The following ANXA4 variants were observed in gnomAD, a reference collection of about 807,000 sequenced individuals.
ANXA4 encodes the protein 35-beta calcimedin.
ANXA4 carries 39 observed loss-of-function variants against 49.8 expected under a neutral mutation model. The observed-to-expected ratio is 0.78, with a 90% CI of 0.61 to 1.02. ANXA4 has a LOEUF of 1.02. Among genes scored for constraint, ANXA4 ranks in the 50% least tolerant of loss-of-function variants. The probability of loss-of-function intolerance (pLI) is 0.00; values close to 1 mark genes in which losing one functional copy is unlikely to be tolerated. For synonymous variants in ANXA4, 134 were observed against 152.5 expected (o/e 0.88, Z 0.89); for missense variants, 360 against 410.1 (o/e 0.88, Z 1.05).
chr2:69,710,974 G>A (rs151223253), intron 2 of ANXA4, among the ~76,000 whole-genome samples: 16 of 152,284 alleles, frequency 1.1e-4, no homozygotes, highest in African/African-American at 3.9e-4. Flanking sequence ...CTACTCCTCA[G>A]AGAAGTGAAA....
chr2:69,770,116 G>GT (rs1671651141), intron 1 of ANXA4, among the ~76,000 whole-genome samples: 1 of 152,204 alleles, frequency 6.6e-6, no homozygotes, highest in African/African-American at 2.4e-5. Context: ...AGATGGCCTA[G>GT]TAGGCAGGCC....
At chr2:69,699,100 G>A (rs1423676809) in intron 2 of ANXA4, among the ~76,000 whole-genome samples, 3 of 152,150 alleles carry the variant, frequency 2.0e-5, no homozygotes, top group Non-Finnish European at 4.4e-5. Context: ...AGGATGTGAT[G>A]GTCTTTGCCA....
chr2:69,772,501 C>A (rs1671763482), intron 1 of ANXA4, among the ~76,000 whole-genome samples: 1 of 66,246 alleles, frequency 1.5e-5, no homozygotes, highest in Non-Finnish European at 2.5e-5. Context: ...CTAAGAGAGG[C>A]CTTAGCAATT....
chr2:69,685,409 C>T (rs755062971), intron 2 of ANXA4, among the ~76,000 whole-genome samples: 42 of 152,074 alleles, frequency 2.8e-4, no homozygotes, highest in Non-Finnish European at 5.7e-4. Flanking sequence ...TGAATTGTGG[C>T]ACACTGAATG....
At chr2:69,745,317 A>G (rs1276813972) in intron 1 of ANXA4, among the ~76,000 whole-genome samples, 2 of 152,112 alleles carry the variant, frequency 1.3e-5, no homozygotes, top group Non-Finnish European at 2.9e-5. Context: ...CTCTGTCACT[A>G]CAAGTTTAGG....
At chr2:69,808,052 G>A in intron 6 of ANXA4, 56 bp downstream of exon 6, 1 of 1,512,270 alleles carries the variant, frequency 6.6e-7, no homozygotes, top group Non-Finnish European at 9.2e-7. Context: ...AGAGAATGAG[G>A]GTAGCAGCGG....
intron 2 of ANXA4, among the ~76,000 whole-genome samples, chr2:69,715,700 A>G (rs1317601944): frequency 6.6e-6 from 1 of 152,246 alleles, no homozygotes; most frequent in Non-Finnish European, 1.5e-5. Context: ...TAAAGCCAGT[A>G]ACTGGCTCTA....
intron 2 of ANXA4, among the ~76,000 whole-genome samples, chr2:69,695,181 A>C (rs1678121376): frequency 6.6e-6 from 1 of 152,126 alleles, no homozygotes; most frequent in African/African-American, 2.4e-5. Context: ...AAATTCCAGG[A>C]ACATATTTAA....
chr2:69,773,617 CCTT>C (rs1671825724), intron 1 of ANXA4, among the ~76,000 whole-genome samples: 3 of 139,370 alleles, frequency 2.2e-5, no homozygotes, highest in Non-Finnish European at 4.6e-5. Context: ...TCTTTTCTTT[CCTT>C]CTTTTTTTTT....
intron 2 of ANXA4, among the ~76,000 whole-genome samples, chr2:69,676,813 A>C (rs1003552322): frequency 3.3e-5 from 5 of 152,150 alleles, no homozygotes; most frequent in Non-Finnish European, 4.4e-5. Flanking sequence ...GAATTGCTTG[A>C]ACCCGGGAGG....
intron 12 of ANXA4, among the ~76,000 whole-genome samples, chr2:69,823,335 A>G (rs1573325532): frequency 6.6e-6 from 1 of 151,620 alleles, no homozygotes; most frequent in East Asian, 1.9e-4. Flanking sequence ...AGTTGTCAAA[A>G]GAAATGAAAA....
intron 3 of ANXA4, among the ~76,000 whole-genome samples, chr2:69,721,718 G>C (rs1336432841): frequency 6.6e-6 from 1 of 152,020 alleles, no homozygotes; most frequent in Non-Finnish European, 1.5e-5. Flanking sequence ...AATTACTCTG[G>C]ATTGTTTAAA....
At chr2:69,812,735 T>C in intron 8 of ANXA4, 26 bp downstream of exon 8, 1 of 1,611,510 alleles carries the variant, frequency 6.2e-7, no homozygotes, top group South Asian at 1.1e-5. Flanking sequence ...GCTTCTTTCT[T>C]CCAGCTTTCT....
chr2:69,674,308 G>A (rs987510711), intron 2 of ANXA4: 1 of 152,054 alleles, frequency 6.6e-6, no homozygotes, highest in Non-Finnish European at 1.5e-5. Flanking sequence ...GGACAACCTG[G>A]GCTCTCCCAC....
In ANXA4 at chr2:69,772,328, A is replaced by C. The variant is rs140367525; in HGVS notation, c.-46-9192A>C. 7.2e-5 allele frequency among the ~76,000 whole-genome samples: 11 copies of C among 152,362 alleles called. No homozygotes were observed. In the East Asian group the frequency reaches 1.5e-3, roughly 21 times the overall value. ...GATTGTAGAAAGGGCTTCAGAGAGA[A>C]AGAACAAAGGAATCAAGGAAGGTGA... is the stretch of plus-strand genomic sequence containing the variant. On this transcript the variant is annotated intron_variant, in intron 1 of 12. Coordinates refer to ENST00000394295, the MANE Select transcript of ANXA4 (RefSeq NM_001153.5).
In ANXA4 at chr2:69,691,545, G is replaced by A. The variant is rs554001908; in HGVS notation, n.767-29229G>A. 1.3e-4 allele frequency among the ~76,000 whole-genome samples: 19 copies of A among 145,786 alleles called. No homozygotes were observed. The South Asian group carries it at 1.6e-3, about 12-fold the overall frequency. Reference sequence around the variant, plus strand: ...GCTCAGAGTTAAAAATATGAGAACCGTCAGTGATTTCACACACACACACAC... The same window carrying A: ...GCTCAGAGTTAAAAATATGAGAACCATCAGTGATTTCACACACACACACAC... On this transcript the variant is annotated intron_variant and non_coding_transcript_variant, in intron 2 of 3. Transcript: ENST00000418066.
At chr2:69,746,736 A>G (rs549881303) in intron 1 of ANXA4, among the ~76,000 whole-genome samples, 1 of 152,256 alleles carries the variant, frequency 6.6e-6, no homozygotes, top group East Asian at 1.9e-4. Flanking sequence ...TATTGCAGCT[A>G]AGTGTCAGAC....
At chr2:69,812,244 C>T (rs762347017) in intron 7 of ANXA4, among the ~76,000 whole-genome samples, 6 of 151,938 alleles carry the variant, frequency 3.9e-5, no homozygotes, top group Non-Finnish European at 7.4e-5. Flanking sequence ...ACCTCAGCCT[C>T]GAGTAGCTGG....
At chr2:69,818,386 C>T in intron 9 of ANXA4, 1 of 336,630 alleles carries the variant, frequency 3.0e-6, no homozygotes. Flanking sequence ...GACTGATGTC[C>T]TCCAAACATC....
Sources: allele counts gnomAD v4.1 joint callset (sites outside exome capture counted in the v4.1 genomes callset), GRCh38; gene constraint gnomAD v4.1.1; transcripts MANE v1.5; gene names NCBI Gene and HGNC (gene_info 2026-07-23, HGNC 2026-07-21).